Variants in SPATA13 observed in about 807,000 individuals in gnomAD.
The protein encoded by SPATA13 is spermatogenesis-associated protein 13.
SPATA13 carries 50 observed loss-of-function variants against 104.0 expected under a neutral mutation model. That is an observed-to-expected ratio of 0.48 (90% CI 0.38 to 0.61). The LOEUF (loss-of-function observed/expected upper bound fraction) is 0.61, where lower values mean the gene tolerates loss of function less well. Among genes scored for constraint, SPATA13 ranks in the 20% least tolerant of loss-of-function variants. The pLI, the probability that SPATA13 is intolerant of heterozygous loss-of-function variation, is 0.00. For synonymous variants in SPATA13, 606 were observed against 667.5 expected (o/e 0.91, Z 1.42); for missense variants, 1,524 against 1,690.6 (o/e 0.90, Z 1.73).
rs188243490 is a variant in SPATA13 at position 24,260,407 on chromosome 13, C to T, written c.2164+8545C>T. Among the ~76,000 whole-genome samples the T allele has an allele frequency of 1.6e-4, 25 of 152,366 alleles. No homozygotes were observed. The East Asian group carries it at 4.6e-3, about 28-fold the overall frequency. On this transcript the variant is annotated intron_variant, in intron 4 of 12. Transcript: ENST00000382108. ...GGCAGATCCCACAGTGTGGCCTGCG[C>T]TTGCCTTCCTGGCTCCTCTTCACTG...
chr13:24,179,746 G>A (rs1195737300), intron 1 of SPATA13, among the ~76,000 whole-genome samples: 1 of 152,108 alleles, frequency 6.6e-6, no homozygotes, highest in Non-Finnish European at 1.5e-5. Context: ...GATTTGAGTT[G>A]CATTTCTCTG....
Position 24,263,580 on chromosome 13 carries a change from T to C in SPATA13, c.2164+11718T>C, listed in dbSNP as rs375443072. ...ACCCATGCCCATCCTCCATATACTT[T>C]AAATCACCTCTAGATTACTTAAAGA... On this transcript the variant is annotated intron_variant, in intron 4 of 12. Coordinates refer to ENST00000382108, the MANE Select transcript of SPATA13 (RefSeq NM_001166271.3). Among the ~76,000 whole-genome samples, 97 of 152,322 alleles carry C rather than the reference T, an allele frequency of 6.4e-4. 2 individuals carry two copies. Among genetic ancestry groups the C allele is most frequent in the African/African-American group, 2.2e-3 (91 of 41,570 alleles).
intron 3 of SPATA13, among the ~76,000 whole-genome samples, chr13:24,025,462 T>A (rs960322536): frequency 6.6e-6 from 1 of 152,234 alleles, no homozygotes; most frequent in African/African-American, 2.4e-5. Context: ...AGTAACCATG[T>A]GCAAATTTCC....
chr13:24,269,374 G>GTGTA (rs1874447465), intron 4 of SPATA13, among the ~76,000 whole-genome samples: 1 of 9,168 alleles, frequency 1.1e-4, no homozygotes, highest in Non-Finnish European at 2.6e-4. Context: ...GTATGTATGT[G>GTGTA]TGTATGTATG....
chr13:24,242,371 C>A (rs1463969097), intron 2 of SPATA13, among the ~76,000 whole-genome samples: 1 of 152,148 alleles, frequency 6.6e-6, no homozygotes, highest in Admixed American at 6.5e-5. Context: ...GTGCAGACTG[C>A]GTGTGTGATA....
chr13:24,280,518 G>A (rs1157963937), intron 4 of SPATA13, among the ~76,000 whole-genome samples: 2 of 147,150 alleles, frequency 1.4e-5, no homozygotes, highest in Non-Finnish European at 3.0e-5. Context: ...GCTCAACCAC[G>A]GTTTAAATTG....
At chr13:24,297,096 T>G (rs921179114) in intron 10 of SPATA13, among the ~76,000 whole-genome samples, 1 of 152,166 alleles carries the variant, frequency 6.6e-6, no homozygotes, top group Non-Finnish European at 1.5e-5. Context: ...TGGAGTGTAC[T>G]GGCGTGATCA....
intron 2 of SPATA13, among the ~76,000 whole-genome samples, chr13:24,233,661 T>C (rs937041561): frequency 2.0e-5 from 3 of 152,240 alleles, no homozygotes; most frequent in African/African-American, 7.2e-5. Flanking sequence ...TGAAAAGGTT[T>C]ATGCTCATTA....
chr13:24,157,418 C>A (rs1371623994), upstream of SPATA13, among the ~76,000 whole-genome samples: 1 of 152,166 alleles, frequency 6.6e-6, no homozygotes, highest in African/African-American at 2.4e-5. Flanking sequence ...TCTGCCTTAG[C>A]CTCCGGAGTA....
intron 3 of SPATA13, among the ~76,000 whole-genome samples, chr13:24,078,779 G>C (rs1879412925): frequency 6.6e-6 from 1 of 152,190 alleles, no homozygotes; most frequent in African/African-American, 2.4e-5. Flanking sequence ...TGTTATCCCA[G>C]TTGTGTGATG....
chr13:24,143,671 C>T (rs1232903391), intron 3 of SPATA13, among the ~76,000 whole-genome samples: 1 of 152,128 alleles, frequency 6.6e-6, no homozygotes, highest in Non-Finnish European at 1.5e-5. Flanking sequence ...CCTGATACCA[C>T]CCACAGGGAA....
At chr13:24,250,520 C>G (rs1193515904) in intron 3 of SPATA13, among the ~76,000 whole-genome samples, 2 of 152,140 alleles carry the variant, frequency 1.3e-5, no homozygotes, top group Non-Finnish European at 2.9e-5. Flanking sequence ...ATTCACAGAA[C>G]AATATATGAG....
rs1311481555 is a variant in SPATA13 at position 24,304,486 on chromosome 13, T to C, written c.*1713T>C. On this transcript the variant is annotated 3_prime_UTR_variant, in exon 13 of 13. Transcript: ENST00000382108. Reference sequence around the variant, plus strand: ...TTTTTTTTTTCTAACAGGCCCATGTTTGAGAATAAACAAGTCTGTGATGTC... The same window carrying C: ...TTTTTTTTTTCTAACAGGCCCATGTCTGAGAATAAACAAGTCTGTGATGTC... 1 of 152,142 alleles carries C rather than the reference T, an allele frequency of 6.6e-6. No individual in the cohort carries two copies. The highest frequency in any genetic ancestry group is 1.5e-5 in the Non-Finnish European group (1 of 68,016). The allele number at this position is 152,142 out of a possible 1,614,324, so 9.4% of individuals were successfully genotyped here.
intron 1 of SPATA13, among the ~76,000 whole-genome samples, chr13:24,191,410 G>C (rs1045074978): frequency 6.6e-6 from 1 of 150,768 alleles, no homozygotes; most frequent in Non-Finnish European, 1.5e-5. Flanking sequence ...GCTTTATTTC[G>C]ATATTTGTTT....
chr13:24,055,921 C>T (rs557347826), intron 3 of SPATA13, among the ~76,000 whole-genome samples: 2 of 152,312 alleles, frequency 1.3e-5, no homozygotes, highest in South Asian at 2.1e-4. Context: ...TTGGCAATGC[C>T]GTGCCTTTTT....
intron 3 of SPATA13, among the ~76,000 whole-genome samples, chr13:24,138,789 G>A (rs917386043): frequency 4.3e-5 from 6 of 138,450 alleles, no homozygotes; most frequent in Admixed American, 7.9e-5. Flanking sequence ...ATGGGCTCTC[G>A]CTATGTTGCT....
Position 24,122,293 on chromosome 13 carries a change from T to G in SPATA13, c.-111-100526T>G, listed in dbSNP as rs1881055173. 5.8e-6 allele frequency: 8 copies of G among 1,370,352 alleles called. No homozygotes were observed. The South Asian group carries it at 9.3e-5, about 16-fold the overall frequency. The allele number at this position is 1,370,352 out of a possible 1,614,324, so 84.9% of individuals were successfully genotyped here. On this transcript the variant is annotated intron_variant, in intron 3 of 14. Transcript: ENST00000424834. ...GATTTTGAATAGTTTGAAAGATAGT[T>G]TGAAACTATTCAAACTATCGATTTG... is the stretch of plus-strand genomic sequence containing the variant.
At position 24,290,790 on chromosome 13, in the gene SPATA13, G is replaced by A. The variant is rs138946174; in HGVS notation, c.2986G>A (p.Ala996Thr). The A allele has an allele frequency of 1.5e-5, 24 of 1,614,178 alleles. No homozygotes were observed. Among genetic ancestry groups the A allele is most frequent in the East Asian group, 6.7e-5 (3 of 44,884 alleles). The change falls in exon 9 of 13, where the codon GCC (alanine) becomes ACC (threonine). Residue 996 changes from alanine (A) to threonine (T), a missense_variant. This residue lies in a region of SPATA13 where 435 missense variants were observed against 554.8 expected (regional missense o/e 0.78). Coordinates refer to ENST00000382108, the MANE Select transcript of SPATA13 (RefSeq NM_001166271.3). ...CCTGCTGCAGCAGATGATTGACATC[G>A]CCATCGACGGGTTCCTGCTCACACC... is the stretch of plus-strand genomic sequence containing the variant. ...CRLLQQMIDIAIDGFLLTPVQ... is the reference protein window; with the variant it reads ...CRLLQQMIDITIDGFLLTPVQ...
chr13:24,137,732 C>G (rs899350881), intron 3 of SPATA13, among the ~76,000 whole-genome samples: 4 of 152,176 alleles, frequency 2.6e-5, no homozygotes, highest in African/African-American at 9.7e-5. Flanking sequence ...GCACTCCAGC[C>G]TGGGAGTGAC....
Sources: allele counts gnomAD v4.1 joint callset (sites outside exome capture counted in the v4.1 genomes callset), GRCh38; gene constraint gnomAD v4.1.1; regional missense constraint gnomAD v4.1.1; transcripts MANE v1.5; gene names NCBI Gene and HGNC (gene_info 2026-07-23, HGNC 2026-07-21).